CACNA1C: variants seen among roughly 807,000 people sequenced by gnomAD.
CACNA1C encodes calcium voltage-gated channel subunit alpha1 C, also known as voltage-dependent L-type calcium channel subunit alpha-1C.
Under a neutral mutation model 229.0 loss-of-function variants are expected in CACNA1C, and 30 were observed. That is an observed-to-expected ratio of 0.13 (90% CI 0.10 to 0.18). The LOEUF is 0.18. Among genes scored for constraint, CACNA1C ranks in the 10% least tolerant of loss-of-function variants. The probability of loss-of-function intolerance (pLI) is 1.00; values close to 1 mark genes in which losing one functional copy is unlikely to be tolerated. For synonymous variants in CACNA1C, 1,114 were observed against 1,132.5 expected (o/e 0.98, Z 0.33); for missense variants, 1,658 against 2,845.0 (o/e 0.58, Z 9.49).
At chr12:2,683,342 G>T (rs2097273776) in intron 43 of CACNA1C, among the ~76,000 whole-genome samples, 1 of 152,162 alleles carries the variant, frequency 6.6e-6, no homozygotes, top group Admixed American at 6.5e-5. Context: ...GGCTATCTGG[G>T]GGTCTCCTTG....
At chr12:1,989,626 T>C (rs1183037954) in intron 1 of CACNA1C, among the ~76,000 whole-genome samples, 2 of 151,852 alleles carry the variant, frequency 1.3e-5, no homozygotes, top group African/African-American at 4.8e-5. Flanking sequence ...GGCAGGAGAA[T>C]TGCTTGAACT....
At chr12:2,655,279 C>T (rs758183930) in intron 34 of CACNA1C, 41 bp downstream of exon 34, 2 of 1,219,538 alleles carry the variant, frequency 1.6e-6, no homozygotes, top group South Asian at 1.3e-5. Context: ...ACACACACAC[C>T]TGCATGGTGC....
intron 46 of CACNA1C, 81 bp from the exon 47 acceptor site, chr12:2,690,819 C>T: frequency 3.7e-6 from 5 of 1,357,950 alleles, no homozygotes; most frequent in East Asian, 2.5e-5. Context: ...GATACCCCCT[C>T]GCTCTAGCCC....
chr12:2,535,269 GT>G (rs949620720), intron 9 of CACNA1C, among the ~76,000 whole-genome samples: 2 of 152,100 alleles, frequency 1.3e-5, no homozygotes, highest in African/African-American at 4.8e-5. Flanking sequence ...GGCGCCTATA[GT>G]CCCAGCTACT....
chr12:2,139,015 G>T (rs2238037), intron 3 of CACNA1C, among the ~76,000 whole-genome samples: 1 of 150,164 alleles, frequency 6.7e-6, no homozygotes, highest in African/African-American at 2.4e-5. Flanking sequence ...GCGTCTCTCA[G>T]TGTGTTTGTT....
In CACNA1C at chr12:2,144,008, A is replaced by G. The variant is rs77732412; in HGVS notation, c.477+23578A>G. ...GAATTTATAATCACTGGTATTGGTA[A>G]CAGTAGGCTAGTTAGTTGGTCCAGT... On this transcript the variant is annotated intron_variant, in intron 3 of 46. Coordinates refer to ENST00000399655, the MANE Select transcript of CACNA1C (RefSeq NM_000719.7). Among the ~76,000 whole-genome samples, 1,501 of 151,444 alleles carry G rather than the reference A, an allele frequency of 9.9e-3. 37 individuals are homozygous for G. Among genetic ancestry groups the G allele is most frequent in the African/African-American group, 0.034 (1,415 of 41,488 alleles).
intron 3 of CACNA1C, among the ~76,000 whole-genome samples, chr12:2,337,959 C>A (rs1014006182): frequency 6.6e-6 from 1 of 152,200 alleles, no homozygotes. Context: ...GGCAGATCTC[C>A]TTAATTGTCC....
At chr12:2,234,381 T>A (rs1020741860) in intron 3 of CACNA1C, among the ~76,000 whole-genome samples, 12 of 152,208 alleles carry the variant, frequency 7.9e-5, no homozygotes, top group African/African-American at 2.9e-4. Flanking sequence ...CAAGCTGTGG[T>A]GAGTTGATTG....
intron 3 of CACNA1C, among the ~76,000 whole-genome samples, chr12:2,270,310 T>C (rs187360921): frequency 1.3e-5 from 2 of 152,306 alleles, no homozygotes; most frequent in Admixed American, 6.5e-5. Flanking sequence ...TTCTGAAATG[T>C]CTCCCATACA....
chr12:2,582,750 C>T (rs975331833), intron 14 of CACNA1C, 72 bp from the exon 15 acceptor site: 4 of 1,546,570 alleles, frequency 2.6e-6, no homozygotes, highest in South Asian at 1.2e-5. Context: ...CGTAGTGGGG[C>T]AGGGCAGGGT....
chr12:2,006,191 C>A (rs2043403365), intron 1 of CACNA1C, among the ~76,000 whole-genome samples: 1 of 152,122 alleles, frequency 6.6e-6, no homozygotes, highest in African/African-American at 2.4e-5. Flanking sequence ...GGGCGGATCA[C>A]AAGGTCAGTA....
chr12:2,166,937 C>T (rs544261362), intron 3 of CACNA1C, among the ~76,000 whole-genome samples: 8 of 152,312 alleles, frequency 5.3e-5, no homozygotes, highest in Non-Finnish European at 1.0e-4. Flanking sequence ...TAACCTACAC[C>T]AGACGTAGTA....
chr12:2,362,585 C>A (rs2097585449), intron 3 of CACNA1C, among the ~76,000 whole-genome samples: 1 of 152,202 alleles, frequency 6.6e-6, no homozygotes, highest in African/African-American at 2.4e-5. Flanking sequence ...TCCTCTCCAG[C>A]TGGACCATAA....
chr12:2,183,031 A>T (rs981035834), intron 3 of CACNA1C, among the ~76,000 whole-genome samples: 19 of 152,088 alleles, frequency 1.2e-4, no homozygotes, highest in Non-Finnish European at 4.4e-5. Context: ...GTTTTTAAAA[A>T]ATTATTATTT....
intron 3 of CACNA1C, among the ~76,000 whole-genome samples, chr12:2,361,222 A>G (rs894795119): frequency 4.6e-5 from 7 of 151,870 alleles, no homozygotes; most frequent in African/African-American, 1.7e-4. Context: ...AACCTTTTGG[A>G]CCAGCCACAC....
chr12:2,442,598 G>A (rs1370589274), intron 3 of CACNA1C, among the ~76,000 whole-genome samples: 1 of 152,162 alleles, frequency 6.6e-6, no homozygotes, highest in Non-Finnish European at 1.5e-5. Flanking sequence ...GCCTGTATTG[G>A]GCCGTTGTTG....
intron 2 of CACNA1C, among the ~76,000 whole-genome samples, chr12:2,120,082 A>G (rs1426425951): frequency 1.3e-5 from 2 of 152,200 alleles, no homozygotes; most frequent in Non-Finnish European, 2.9e-5. Context: ...GTTTTTAGAA[A>G]TCTGTGTTTA....
chr12:2,123,546 C>T (rs895686672), intron 3 of CACNA1C, among the ~76,000 whole-genome samples: 38 of 152,120 alleles, frequency 2.5e-4, no homozygotes, highest in African/African-American at 8.7e-4. Flanking sequence ...GCCAATACCT[C>T]AAACAAGCCC....
At chr12:2,372,271 T>G (rs1413466436) in intron 3 of CACNA1C, among the ~76,000 whole-genome samples, 1 of 152,198 alleles carries the variant, frequency 6.6e-6, no homozygotes, top group African/African-American at 2.4e-5. Flanking sequence ...TTTCAGCTGA[T>G]TGGTTTAGGA....
Sources: allele counts gnomAD v4.1 joint callset (sites outside exome capture counted in the v4.1 genomes callset), GRCh38; gene constraint gnomAD v4.1.1; transcripts MANE v1.5; gene names NCBI Gene and HGNC (gene_info 2026-07-23, HGNC 2026-07-21).